HDAC9: variants seen among roughly 807,000 people sequenced by gnomAD.
HDAC9 encodes MEF-2 interacting transcription repressor (MITR) protein.
In HDAC9, 41 loss-of-function variants were observed where a neutral mutation model predicts 139.4. The observed-to-expected ratio is 0.29, with a 90% CI of 0.23 to 0.38. The LOEUF (loss-of-function observed/expected upper bound fraction) is 0.38. Ranked by LOEUF, HDAC9 falls within the 10% of genes least tolerant of loss-of-function variation. The pLI, the probability that HDAC9 is intolerant of heterozygous loss-of-function variation, is 1.00. For synonymous variants in HDAC9, 517 were observed against 476.2 expected (o/e 1.09, Z -1.12); for missense variants, 1,147 against 1,297.0 (o/e 0.88, Z 1.78).
chr7:18,813,368 T>G (rs969004945), intron 17 of HDAC9, among the ~76,000 whole-genome samples: 12 of 152,140 alleles, frequency 7.9e-5, no homozygotes, highest in Non-Finnish European at 1.5e-4. Flanking sequence ...ATTGTTACTT[T>G]GGCAGACTGA....
chr7:18,850,398 C>A (rs1797200068), intron 21 of HDAC9, among the ~76,000 whole-genome samples: 2 of 152,118 alleles, frequency 1.3e-5, no homozygotes, highest in Non-Finnish European at 2.9e-5. Context: ...GTGACAATGT[C>A]CTTCCAAAAA....
chr7:18,269,830 A>G (rs1225043241), intron 2 of HDAC9, among the ~76,000 whole-genome samples: 2 of 152,140 alleles, frequency 1.3e-5, no homozygotes, highest in African/African-American at 2.4e-5. Context: ...CTGCCTAAAT[A>G]TGTAGTTGCA....
chr7:18,605,007 G>C (rs1835059511), intron 6 of HDAC9, among the ~76,000 whole-genome samples: 1 of 152,120 alleles, frequency 6.6e-6, no homozygotes, highest in Admixed American at 6.5e-5. Flanking sequence ...AATAGAAATT[G>C]AGTAATTATA....
chr7:18,154,460 G>A (rs1206625611), intron 1 of HDAC9, among the ~76,000 whole-genome samples: 3 of 152,158 alleles, frequency 2.0e-5, no homozygotes, highest in Non-Finnish European at 4.4e-5. Context: ...TTGGCCTGAA[G>A]TAAAATAAAA....
At chr7:18,188,555 A>G (rs1001895512) in intron 2 of HDAC9, among the ~76,000 whole-genome samples, 12 of 152,248 alleles carry the variant, frequency 7.9e-5, no homozygotes, top group African/African-American at 2.9e-4. Context: ...CAGAGTGAAC[A>G]GGCAACTTAC....
intron 1 of HDAC9, among the ~76,000 whole-genome samples, chr7:18,304,832 G>C (rs781424609): frequency 5.9e-5 from 9 of 152,110 alleles, no homozygotes; most frequent in Non-Finnish European, 1.2e-4. Flanking sequence ...CAGCAGATCA[G>C]AAGGATAGAA....
intron 21 of HDAC9, among the ~76,000 whole-genome samples, chr7:18,872,769 G>C (rs1799027797): frequency 1.3e-5 from 2 of 152,214 alleles, no homozygotes; most frequent in South Asian, 4.1e-4. Flanking sequence ...AGCCTTTATG[G>C]AGAAGATAGT....
intron 24 of HDAC9, among the ~76,000 whole-genome samples, chr7:18,971,765 C>T (rs942117777): frequency 6.6e-6 from 1 of 152,206 alleles, no homozygotes; most frequent in African/African-American, 2.4e-5. Flanking sequence ...GAAACTCATA[C>T]ATGTGGATAA....
chr7:18,362,750 G>T (rs1211111878), intron 1 of HDAC9, among the ~76,000 whole-genome samples: 2 of 152,058 alleles, frequency 1.3e-5, no homozygotes, highest in African/African-American at 4.8e-5. Flanking sequence ...TCATATACTG[G>T]CTTTCATGCT....
intron 1 of HDAC9, among the ~76,000 whole-genome samples, chr7:18,392,313 T>A (rs200381556): frequency 0.018 from 2,043 of 111,000 alleles, 25 homozygotes; most frequent in African/African-American, 0.056. Context: ...TCTCTCTCTC[T>A]CTCACACACA....
intron 1 of HDAC9, among the ~76,000 whole-genome samples, chr7:18,119,261 A>G (rs1389238648): frequency 1.3e-5 from 2 of 152,194 alleles, no homozygotes; most frequent in African/African-American, 2.4e-5. Flanking sequence ...TTGCAAGTCT[A>G]GATACTGTCA....
In HDAC9 at chr7:18,685,028, T is replaced by C. The variant is rs1391893816; in HGVS notation, c.1731+18552T>C. ...TTTCCTCCTCAAGGTCCTCCCACTTTTTTGTTGTTAAATAAAATTCGTCTG... is the reference window on the plus strand; with the variant it reads ...TTTCCTCCTCAAGGTCCTCCCACTTCTTTGTTGTTAAATAAAATTCGTCTG... On this transcript the variant is annotated intron_variant, in intron 12 of 25. Transcript: ENST00000686413. 2.6e-5 allele frequency among the ~76,000 whole-genome samples: 4 copies of C among 152,044 alleles called. No homozygotes were observed. The East Asian group carries it at 5.8e-4, about 22-fold the overall frequency.
At chr7:18,930,230 G>A (rs1381076758) in intron 22 of HDAC9, among the ~76,000 whole-genome samples, 1 of 152,034 alleles carries the variant, frequency 6.6e-6, no homozygotes, top group African/African-American at 2.4e-5. Flanking sequence ...ATAGGAACAC[G>A]TTTTCCACTT....
At chr7:18,226,947 A>C (rs1406187448) in intron 2 of HDAC9, among the ~76,000 whole-genome samples, 1 of 152,218 alleles carries the variant, frequency 6.6e-6, no homozygotes, top group African/African-American at 2.4e-5. Context: ...AATCATTCTA[A>C]CTGTAATTTG....
At chr7:18,909,564 T>G (rs1006603166) in intron 22 of HDAC9, among the ~76,000 whole-genome samples, 2 of 152,084 alleles carry the variant, frequency 1.3e-5, no homozygotes, top group Non-Finnish European at 2.9e-5. Context: ...AGTTGAATTT[T>G]GTATATGGTG....
chr7:18,904,145 A>C (rs2129283419), intron 22 of HDAC9, among the ~76,000 whole-genome samples: 1 of 152,356 alleles, frequency 6.6e-6, no homozygotes, highest in South Asian at 2.1e-4. Context: ...GATTTCTTTT[A>C]AGTAGATAAA....
chr7:18,643,676 C>T (rs1786451266), intron 8 of HDAC9, among the ~76,000 whole-genome samples: 1 of 152,078 alleles, frequency 6.6e-6, no homozygotes, highest in Non-Finnish European at 1.5e-5. Flanking sequence ...CCCAAACATG[C>T]TTGACAAGTT....
chr7:18,619,961 T>A (rs1839772552), intron 6 of HDAC9, among the ~76,000 whole-genome samples: 1 of 152,172 alleles, frequency 6.6e-6, no homozygotes, highest in African/African-American at 2.4e-5. Context: ...ACTCTGCTTA[T>A]ACCTATCACG....
intron 12 of HDAC9, among the ~76,000 whole-genome samples, chr7:18,669,044 T>A (rs903618621): frequency 1.3e-5 from 2 of 151,598 alleles, no homozygotes; most frequent in African/African-American, 2.4e-5. Flanking sequence ...CATCCAAAAT[T>A]TTCAAATAGC....
Sources: gnomAD v4.1 joint callset for allele counts (sites outside exome capture counted in the v4.1 genomes callset) on GRCh38, gnomAD v4.1.1 for gene constraint, MANE v1.5 for transcripts, NCBI Gene and HGNC (gene_info 2026-07-23, HGNC 2026-07-21) for gene names.